Variants in USP2 observed in about 807,000 individuals in gnomAD.
The protein encoded by USP2 is ubiquitin specific peptidase 2.
Under a neutral mutation model 72.0 loss-of-function variants are expected in USP2, and 33 were observed. That is an observed-to-expected ratio of 0.46 (90% confidence interval 0.35 to 0.61). The LOEUF (loss-of-function observed/expected upper bound fraction) is 0.61, where lower values mean the gene tolerates loss of function less well. Among genes scored for constraint, USP2 ranks in the 20% least tolerant of loss-of-function variants. The pLI, the probability that USP2 is intolerant of heterozygous loss-of-function variation, is 0.01. For synonymous variants in USP2, 296 were observed against 312.5 expected (o/e 0.95, Z 0.56); for missense variants, 691 against 797.8 (o/e 0.87, Z 1.61).
In USP2 at chr11:119,357,529, G is replaced by A; in HGVS notation, c.1563C>T (p.Phe521=). 6.2e-7 allele frequency: 1 copy of A among 1,614,140 alleles called. No individual in the cohort carries two copies. Among genetic ancestry groups the A allele is most frequent in the Non-Finnish European group, 8.5e-7 (1 of 1,180,030 alleles). The stretch of plus-strand genomic sequence containing the variant: ...CTCTTAAGTCCAGGTCTCTTAGGGG[G>A]AAGTTCACAAATGTTGTGAGCTTGC... The part of the protein sequence containing the change: ...RTSKLTTFVN[F]PLRDLDLREF... The change falls in exon 11 of 13, where the codon TTC becomes TTT. Residue 521 remains phenylalanine (F), a synonymous_variant. Coordinates refer to ENST00000260187, the MANE Select transcript of USP2 (RefSeq NM_004205.5).
Position 119,356,394 on chromosome 11 carries a change from C to A in USP2, c.*441G>T, listed in dbSNP as rs1358023941. 1.2e-5 allele frequency: 2 copies of A among 163,456 alleles called. No individual in the cohort carries two copies. Among genetic ancestry groups the A allele is most frequent in the Non-Finnish European group, 2.7e-5 (2 of 75,410 alleles). The allele number at this position is 163,456 out of a possible 1,614,324, so 10.1% of individuals were successfully genotyped here. ...TGGCTCATGGCTCTGGACCGGCGAG[C>A]CGTGCGGGTGGAGATGGGCGCCGGC... On this transcript the variant is annotated 3_prime_UTR_variant, in exon 13 of 13. Transcript: ENST00000260187.
chr11:119,379,616 G>A (rs911760302), intron 1 of USP2, among the ~76,000 whole-genome samples: 2 of 152,136 alleles, frequency 1.3e-5, no homozygotes, highest in Admixed American at 6.5e-5. Context: ...TGGGATTGGA[G>A]GCTAGTTCTT....
chr11:119,374,757 G>T (rs1359166788), intron 1 of USP2, among the ~76,000 whole-genome samples: 1 of 152,128 alleles, frequency 6.6e-6, no homozygotes, highest in African/African-American at 2.4e-5. Context: ...CTCTTGGGGG[G>T]CTTTCTAGGG....
chr11:119,369,450 A>G (rs551377804), intron 2 of USP2, among the ~76,000 whole-genome samples: 17 of 152,266 alleles, frequency 1.1e-4, no homozygotes, highest in African/African-American at 4.1e-4. Flanking sequence ...TGCCAGCTGT[A>G]GCTCCAGTCA....
intron 2 of USP2, among the ~76,000 whole-genome samples, chr11:119,368,979 C>T (rs680268): frequency 0.8 from 121,486 of 152,192 alleles, 48,922 homozygotes; most frequent in East Asian, 0.91. Flanking sequence ...GGGAACAGCT[C>T]GTCCTTCCAT....
intron 2 of USP2, 30 bp from the exon 3 acceptor site, chr11:119,360,264 T>A: frequency 6.2e-7 from 1 of 1,612,856 alleles, no homozygotes; most frequent in Non-Finnish European, 8.5e-7. Flanking sequence ...GGCAATAAGG[T>A]GGAAGCAAAG....
intron 1 of USP2, among the ~76,000 whole-genome samples, chr11:119,373,836 G>T (rs995238854): frequency 6.6e-6 from 1 of 152,212 alleles, no homozygotes; most frequent in East Asian, 1.9e-4. Context: ...CCACCAAGCC[G>T]TGCAGTCTTC....
rs764894922 is a variant in USP2 at position 119,358,820 on chromosome 11, C to T, written c.1190G>A (p.Arg397Gln). 2.3e-5 allele frequency: 37 copies of T among 1,613,916 alleles called. No individual in the cohort carries two copies. In the South Asian group the frequency reaches 2.5e-4, roughly 11 times the overall value. Residue 397 changes from arginine to glutamine, a missense_variant, in exon 7 of 13, where the codon CGA (arginine) becomes CAA (glutamine). By Grantham distance (43) the Arg-to-Gln change is conservative. Coordinates refer to ENST00000260187, the MANE Select transcript of USP2 (RefSeq NM_004205.5). ...TTCTAGATATTTTCTCCACATCTGT[C>T]GGCCTTTCTCGTCATCACTGGGAAC... is the stretch of plus-strand genomic sequence containing the variant. The part of the protein sequence containing the change: ...LDHLPDDEKG[R>Q]QMWRKYLERE...
Position 119,359,303 on chromosome 11 carries a change from G to A in USP2, c.989C>T (p.Pro330Leu). The A allele has an allele frequency of 6.2e-7, 1 of 1,614,008 alleles. No homozygotes were observed. The highest frequency in any genetic ancestry group is 1.1e-5 in the South Asian group (1 of 91,064). Residue 330 changes from proline (P) to leucine (L), a missense_variant, in exon 5 of 13, where the codon CCC (proline) becomes CTC (leucine). By Grantham distance (98) the Pro-to-Leu change is moderately conservative. Transcript: ENST00000260187. ...CTCAGATGGGCTCACCACATCATTG[G>A]GGGATGAAGTCCATATGGTCTGAAT... ...KLIQTIWTSS[P>L]NDVVSPSEFK...
In USP2 at chr11:119,373,277, G is replaced by A; in HGVS notation, c.204C>T (p.Pro68=). The change falls in exon 2 of 13, where the codon CCC becomes CCT. Residue 68 remains proline (P), a synonymous_variant. Transcript: ENST00000260187. ...SFLTRPRTYG[P]SSLLDYDRGR... is the part of the protein sequence containing the mutation. The stretch of plus-strand genomic sequence containing the variant: ...CCCGGTCATAGTCCAGGAGGGAGGA[G>A]GGGCCATAGGTACGGGGACGGGTGA... 2 of 1,613,964 alleles carry A rather than the reference G, an allele frequency of 1.2e-6. No homozygotes were observed. Among genetic ancestry groups the A allele is most frequent in the East Asian group, 2.2e-5 (1 of 44,888 alleles).
At chr11:119,371,519 T>C (rs1950926307) in intron 2 of USP2, among the ~76,000 whole-genome samples, 1 of 152,156 alleles carries the variant, frequency 6.6e-6, no homozygotes, top group South Asian at 2.1e-4. Flanking sequence ...ACTTCACAGA[T>C]GGCACAACAA....
Position 119,357,265 on chromosome 11 carries a change from C to G in USP2, c.1652G>C (p.Gly551Ala). The change falls in exon 12 of 13, where the codon GGA (glycine) becomes GCA (alanine). Residue 551 changes from glycine (G) to alanine (A), a missense_variant. Gly to Ala is a moderately conservative substitution (Grantham distance 60). Coordinates refer to ENST00000260187, the MANE Select transcript of USP2 (RefSeq NM_004205.5). ...YNLYAVSNHS[G>A]TTMGGHYTAY... Reference sequence around the variant, plus strand: ...TGTATAGTGGCCACCCATGGTGGTTCCGGAGTGATTGGACACAGCGTACAG... The same window carrying G: ...TGTATAGTGGCCACCCATGGTGGTTGCGGAGTGATTGGACACAGCGTACAG... 2 of 1,613,522 alleles carry G rather than the reference C, an allele frequency of 1.2e-6. No individual in the cohort carries two copies. Among genetic ancestry groups the G allele is most frequent in the Non-Finnish European group, 1.7e-6 (2 of 1,179,910 alleles).
At position 119,359,064 on chromosome 11, in the gene USP2, G is replaced by A. The variant is rs1314441284; in HGVS notation, c.1132C>T (p.Leu378=). The change falls in exon 6 of 13, where the codon CTG becomes TTG. Residue 378 remains leucine, a synonymous_variant. Coordinates refer to ENST00000260187, the MANE Select transcript of USP2 (RefSeq NM_004205.5). ...GLHNEVNRVT[L]RPKSNPENLD... ...TTCTCAGGGTTGGACTTAGGTCTCA[G>A]TGTCACTCGGTTCACCTCGTTATGG... 6.2e-7 allele frequency: 1 copy of A among 1,614,124 alleles called. No individual in the cohort carries two copies. Among genetic ancestry groups the A allele is most frequent in the Non-Finnish European group, 8.5e-7 (1 of 1,180,048 alleles).
At chr11:119,358,932 G>T in intron 6 of USP2, 92 bp downstream of exon 6, 2 of 1,589,688 alleles carry the variant, frequency 1.3e-6, no homozygotes, top group Non-Finnish European at 1.7e-6. Flanking sequence ...AAGTAAATCA[G>T]ATTATTCCCA....
intron 2 of USP2, among the ~76,000 whole-genome samples, chr11:119,368,282 A>G (rs539719572): frequency 7.9e-4 from 120 of 152,276 alleles, no homozygotes; most frequent in Non-Finnish European, 3.1e-4. Context: ...CCGGGGTGGG[A>G]GTAGGTAAGG....
chr11:119,362,250 G>A (rs1171782112), intron 2 of USP2, among the ~76,000 whole-genome samples: 3 of 152,176 alleles, frequency 2.0e-5, no homozygotes, highest in Non-Finnish European at 2.9e-5. Context: ...CACTCCTGTG[G>A]TGTTTTAAGA....
rs979205849 is a variant in USP2 at position 119,356,535 on chromosome 11, C to A, written c.*300G>T. 1.4e-4 allele frequency: 46 copies of A among 319,864 alleles called. No homozygotes were observed. The highest frequency in any genetic ancestry group is 1.8e-4 in the Admixed American group (4 of 21,836). The allele number at this position is 319,864 out of a possible 1,614,324, so 19.8% of individuals were successfully genotyped here. A position where few individuals can be genotyped will look rare whatever the true frequency, so the allele number is the denominator to read the frequency against. Reference sequence around the variant, plus strand: ...GCGGCGCAGCGAGGGTCTTCCCCCCCAAGACACAGTTGTTTCTGACACATA... The same window carrying A: ...GCGGCGCAGCGAGGGTCTTCCCCCCAAAGACACAGTTGTTTCTGACACATA... On this transcript the variant is annotated 3_prime_UTR_variant, in exon 13 of 13. Coordinates refer to ENST00000260187, the MANE Select transcript of USP2 (RefSeq NM_004205.5).
chr11:119,362,813 A>T (rs1423914632), intron 2 of USP2, among the ~76,000 whole-genome samples: 1 of 152,160 alleles, frequency 6.6e-6, no homozygotes, highest in Non-Finnish European at 1.5e-5. Flanking sequence ...CAAAGAGTTG[A>T]GAAAGTTTGG....
intron 2 of USP2, among the ~76,000 whole-genome samples, chr11:119,367,741 G>A (rs1950874379): frequency 6.6e-6 from 1 of 152,286 alleles, no homozygotes; most frequent in South Asian, 2.1e-4. Flanking sequence ...TCCTTCTTTT[G>A]CATGTGTCTC....
Sources: allele counts gnomAD v4.1 joint callset (sites outside exome capture counted in the v4.1 genomes callset), GRCh38; gene constraint gnomAD v4.1.1; transcripts MANE v1.5; gene names NCBI Gene and HGNC (gene_info 2026-07-23, HGNC 2026-07-21).